ZMAT1: variants seen among roughly 807,000 people sequenced by gnomAD.
The protein encoded by ZMAT1 is zinc finger matrin-type protein 1.
In ZMAT1, 11 loss-of-function variants were observed where a neutral mutation model predicts 18.5. That is an observed-to-expected ratio of 0.59 (90% CI 0.37 to 0.98). The LOEUF is 0.98. Ranked by LOEUF, ZMAT1 falls within the 50% of genes least tolerant of loss-of-function variation. ZMAT1 has a pLI of 0.01. For synonymous variants in ZMAT1, 211 were observed against 176.4 expected (o/e 1.20, Z -1.55); for missense variants, 525 against 496.2 (o/e 1.06, Z -0.55).
At chrX:101,930,334 G>C (rs1930400924) in intron 1 of ZMAT1, among the ~76,000 whole-genome samples, 1 of 112,377 alleles carries the variant, frequency 8.9e-6, no homozygotes, top group Non-Finnish European at 1.9e-5. Flanking sequence ...CATTAAGGCT[G>C]ATTGAAGACA....
intron 5 of ZMAT1, 152 bp downstream of exon 5, chrX:101,886,480 A>G: frequency 2.3e-6 from 1 of 434,886 alleles, no homozygotes; most frequent in South Asian, 3.7e-5. Flanking sequence ...GAGGGACACT[A>G]GTATGCAATA....
intron 1 of ZMAT1, among the ~76,000 whole-genome samples, chrX:101,930,014 T>G (rs1234460352): frequency 8.9e-6 from 1 of 112,088 alleles, no homozygotes; most frequent in Non-Finnish European, 1.9e-5. Context: ...TATGCCAGGG[T>G]GCTCCTCATT....
chrX:101,898,811 G>A (rs1441342754), intron 2 of ZMAT1, among the ~76,000 whole-genome samples: 2 of 111,844 alleles, frequency 1.8e-5, no homozygotes, highest in Non-Finnish European at 3.8e-5. Context: ...AGCACTTTGC[G>A]AGGCTGAGGT....
At chrX:101,924,272 C>T (rs6621247) in intron 1 of ZMAT1, among the ~76,000 whole-genome samples, 17,234 of 110,548 alleles carry the variant, frequency 0.16, 1,076 homozygotes, top group Non-Finnish European at 0.19. Flanking sequence ...CCACTGTGCC[C>T]GGCTAATTTT....
At chrX:101,905,416 T>C (rs1928544901) in intron 1 of ZMAT1, among the ~76,000 whole-genome samples, 1 of 112,527 alleles carries the variant, frequency 8.9e-6, no homozygotes, top group Non-Finnish European at 1.9e-5. Context: ...TGCCAAAGTT[T>C]ATCCATTTTT....
chrX:101,907,937 A>G (rs776537529), intron 1 of ZMAT1, among the ~76,000 whole-genome samples: 2 of 112,162 alleles, frequency 1.8e-5, no homozygotes, highest in South Asian at 7.4e-4. Context: ...ACCTATACCT[A>G]TATTAGATAG....
chrX:101,913,136 G>A (rs1347560919), intron 1 of ZMAT1, among the ~76,000 whole-genome samples: 1 of 111,562 alleles, frequency 9.0e-6, no homozygotes, highest in Admixed American at 9.5e-5. Context: ...TAAGTTATAA[G>A]AAGGTATCTG....
intron 2 of ZMAT1, among the ~76,000 whole-genome samples, chrX:101,903,738 G>C (rs763535093): frequency 8.9e-5 from 10 of 111,964 alleles, no homozygotes; most frequent in African/African-American, 3.2e-4. Context: ...TAAACTAAGA[G>C]AGTAAGGACA....
At chrX:101,907,790 T>G (rs185719656) in intron 1 of ZMAT1, among the ~76,000 whole-genome samples, 1 of 111,568 alleles carries the variant, frequency 9.0e-6, no homozygotes, top group East Asian at 2.8e-4. Context: ...AAAAATGTAA[T>G]AGCATCAACC....
At chrX:101,888,910 TTTA>T (rs1603273867) in intron 4 of ZMAT1, 1 of 111,753 alleles carries the variant, frequency 8.9e-6, no homozygotes, top group African/African-American at 3.2e-5. Context: ...TTTTTACATA[TTTA>T]TTTAGTGCTT....
intron 1 of ZMAT1, among the ~76,000 whole-genome samples, chrX:101,905,899 A>C (rs1928585799): frequency 1.2e-5 from 1 of 80,208 alleles, no homozygotes; most frequent in Non-Finnish European, 2.5e-5. Flanking sequence ...AAAAAAAAAA[A>C]AAAAAACAAA....
chrX:101,922,014 A>G (rs1455936706), intron 1 of ZMAT1, among the ~76,000 whole-genome samples: 2 of 110,838 alleles, frequency 1.8e-5, no homozygotes, highest in East Asian at 5.6e-4. Flanking sequence ...GATCCCAAAC[A>G]GATCTAATAT....
intron 1 of ZMAT1, 141 bp downstream of exon 1, chrX:101,931,576 G>A: frequency 1.4e-6 from 1 of 699,711 alleles, no homozygotes; most frequent in Non-Finnish European, 1.7e-6. Context: ...GCGGGGCGGG[G>A]CGGGGCGAGC....
chrX:101,911,874 T>A, intron 1 of ZMAT1: 1 of 1,206,839 alleles, frequency 8.3e-7, no homozygotes, highest in Non-Finnish European at 1.1e-6. Context: ...AGCTCCTTGC[T>A]CAGCCAGCAT....
chrX:101,884,458 C>G lies in ZMAT1; in HGVS notation c.1140G>C (p.Lys380Asn), dbSNP rs1185375057. The change falls in exon 6 of 6, where the codon AAG becomes AAC. Residue 380 changes from lysine to asparagine, a missense_variant. Transcript: ENST00000651725. ...TCTCTCTCATCTTTCTGAAACAAGT[C>G]TTTGGATCTAGTCCTCTGGCTTTCT... The part of the protein sequence containing the change: ...KVQKARGLDP[K>N]TCFRKMRENS... 1 of 1,206,130 alleles carries G rather than the reference C, an allele frequency of 8.3e-7. No individual in the cohort carries two copies. Among genetic ancestry groups the G allele is most frequent in the Non-Finnish European group, 1.1e-6 (1 of 893,762 alleles).
chrX:101,883,799 C>T lies in ZMAT1; in HGVS notation c.1799G>A (p.Arg600Gln), dbSNP rs1926680546. ...GHKRKHQKRKRHLEEGKERPE... is the reference protein window; with the variant it reads ...GHKRKHQKRKQHLEEGKERPE... ...CCTTTCTTTGCCTTCTTCTAGGTGTCGTTTTCTCTTCTGATGTTTCCGTTT... is the reference window on the plus strand; with the variant it reads ...CCTTTCTTTGCCTTCTTCTAGGTGTTGTTTTCTCTTCTGATGTTTCCGTTT... Residue 600 changes from arginine to glutamine, a missense_variant, in exon 6 of 6, where the codon CGA becomes CAA. Coordinates refer to ENST00000651725, the MANE Select transcript of ZMAT1 (RefSeq NM_001394560.1). The T allele has an allele frequency of 4.1e-6, 5 of 1,207,447 alleles. No homozygotes were observed. Among genetic ancestry groups the T allele is most frequent in the African/African-American group, 1.8e-5 (1 of 56,669 alleles).
intron 1 of ZMAT1, among the ~76,000 whole-genome samples, chrX:101,925,051 A>T (rs2147681907): frequency 8.9e-6 from 1 of 112,349 alleles, no homozygotes; most frequent in Non-Finnish European, 1.9e-5. Flanking sequence ...TGAAAAAAAT[A>T]AAAGATAAAA....
At chrX:101,886,776 A>G in intron 4 of ZMAT1, 45 bp from the exon 5 acceptor site, 1 of 917,680 alleles carries the variant, frequency 1.1e-6, no homozygotes, top group Non-Finnish European at 1.5e-6. Flanking sequence ...GTATAAATAC[A>G]TTTAGAATCA....
chrX:101,930,630 A>G (rs1049548436), intron 1 of ZMAT1, among the ~76,000 whole-genome samples: 1 of 112,211 alleles, frequency 8.9e-6, no homozygotes, highest in African/African-American at 3.2e-5. Flanking sequence ...ACTTTCCTCT[A>G]TTTTGGTGTC....
Sources: gnomAD v4.1 joint callset for allele counts (sites outside exome capture counted in the v4.1 genomes callset) on GRCh38, gnomAD v4.1.1 for gene constraint, MANE v1.5 for transcripts, NCBI Gene and HGNC (gene_info 2026-07-23, HGNC 2026-07-21) for gene names.